The following DENND1A variants were observed in gnomAD, a reference collection of about 807,000 sequenced individuals.
DENND1A encodes the protein DENN domain-containing protein 1A.
In DENND1A, 51 loss-of-function variants were observed where a neutral mutation model predicts 113.7. That is an observed-to-expected ratio of 0.45 (90% CI 0.36 to 0.57). The LOEUF is 0.57. Ranked by LOEUF, DENND1A falls within the 20% of genes least tolerant of loss-of-function variation. The pLI, the probability that DENND1A is intolerant of heterozygous loss-of-function variation, is 0.00. For missense variants in DENND1A, 1,258 were observed against 1,395.9 expected, an observed-to-expected ratio of 0.90 and a Z score of 1.57; for synonymous variants, 565 against 570.8, an observed-to-expected ratio of 0.99 and a Z score of 0.14.
intron 2 of DENND1A, among the ~76,000 whole-genome samples, chr9:123,823,077 T>G (rs1838745099): frequency 6.6e-6 from 1 of 152,236 alleles, no homozygotes; most frequent in South Asian, 2.1e-4. Flanking sequence ...GTACTTACTA[T>G]GTCTCAGGTA....
At chr9:123,644,378 C>CGAAAA (rs2062187617) in intron 9 of DENND1A, among the ~76,000 whole-genome samples, 1 of 84,062 alleles carries the variant, frequency 1.2e-5, no homozygotes, top group Non-Finnish European at 2.1e-5. Flanking sequence ...TTACAAGCTA[C>CGAAAA]AAAAAAAAAA....
intron 13 of DENND1A, among the ~76,000 whole-genome samples, chr9:123,550,523 C>T (rs549970571): frequency 6.6e-6 from 1 of 152,312 alleles, no homozygotes; most frequent in South Asian, 2.1e-4. Flanking sequence ...GTGGGCCAGA[C>T]ATGGGGAGAG....
At chr9:123,870,795 C>T (rs1180344732) in intron 2 of DENND1A, among the ~76,000 whole-genome samples, 1 of 151,982 alleles carries the variant, frequency 6.6e-6, no homozygotes, top group African/African-American at 2.4e-5. Context: ...GCAAGTAAAC[C>T]TCTTTGAGTC....
intron 5 of DENND1A, among the ~76,000 whole-genome samples, chr9:123,694,299 T>C (rs2065371503): frequency 6.6e-6 from 1 of 152,156 alleles, no homozygotes; most frequent in Non-Finnish European, 1.5e-5. Context: ...CGTAATACCA[T>C]GAGTGGTGCC....
intron 3 of DENND1A, among the ~76,000 whole-genome samples, chr9:123,779,003 T>C (rs1434132873): frequency 6.6e-6 from 1 of 152,200 alleles, no homozygotes; most frequent in Non-Finnish European, 1.5e-5. Context: ...GTTTCCACCA[T>C]CCAAAACTCA....
At chr9:123,440,270 T>G (rs2046826107) in intron 19 of DENND1A, 90 bp downstream of exon 19, 1 of 1,416,158 alleles carries the variant, frequency 7.1e-7, no homozygotes, top group Non-Finnish European at 9.3e-7. Flanking sequence ...AGAACTGAAA[T>G]GAAAAACCGT....
At chr9:123,429,350 G>A (rs979327515) in intron 19 of DENND1A, among the ~76,000 whole-genome samples, 47 of 152,212 alleles carry the variant, frequency 3.1e-4, no homozygotes, top group African/African-American at 1.1e-3. Context: ...GAGGCTGGGA[G>A]TTCAAGACCA....
At chr9:123,641,407 G>A (rs1048414201) in intron 9 of DENND1A, among the ~76,000 whole-genome samples, 7 of 146,536 alleles carry the variant, frequency 4.8e-5, no homozygotes, top group Admixed American at 2.7e-4. Flanking sequence ...TTCTGCCATG[G>A]CAGAAATCGG....
intron 1 of DENND1A, among the ~76,000 whole-genome samples, chr9:123,886,147 T>C (rs1849046546): frequency 6.6e-6 from 1 of 152,122 alleles, no homozygotes; most frequent in Non-Finnish European, 1.5e-5. Flanking sequence ...GCTTTGACAG[T>C]ATTTAGGCAG....
intron 8 of DENND1A, among the ~76,000 whole-genome samples, chr9:123,655,849 C>A (rs965243156): frequency 1.3e-5 from 2 of 152,234 alleles, no homozygotes; most frequent in Non-Finnish European, 2.9e-5. Flanking sequence ...ACTAAATCCT[C>A]ATCCTCTCAT....
At chr9:123,466,230 C>T (rs1447135057) in intron 13 of DENND1A, among the ~76,000 whole-genome samples, 1 of 151,952 alleles carries the variant, frequency 6.6e-6, no homozygotes, top group Non-Finnish European at 1.5e-5. Flanking sequence ...ATCTCCTAAC[C>T]TCATGATCCT....
intron 2 of DENND1A, among the ~76,000 whole-genome samples, chr9:123,855,929 C>G (rs759901612): frequency 1.3e-5 from 2 of 151,934 alleles, no homozygotes; most frequent in Non-Finnish European, 2.9e-5. Flanking sequence ...CCCAGCTACT[C>G]GGGAGGCTGA....
At chr9:123,729,182 T>A (rs993012251) in intron 5 of DENND1A, among the ~76,000 whole-genome samples, 1 of 152,168 alleles carries the variant, frequency 6.6e-6, no homozygotes, top group Non-Finnish European at 1.5e-5. Context: ...ACTGGAAGCA[T>A]TCCCTTTGAA....
chr9:123,516,119 C>T (rs1051784313), intron 13 of DENND1A, among the ~76,000 whole-genome samples: 1 of 19,530 alleles, frequency 5.1e-5, no homozygotes, highest in African/African-American at 1.2e-4. Flanking sequence ...CACACACACA[C>T]ACACACACAC....
At chr9:123,592,543 A>G (rs992648097) in intron 11 of DENND1A, among the ~76,000 whole-genome samples, 18 of 152,220 alleles carry the variant, frequency 1.2e-4, no homozygotes, top group East Asian at 1.9e-4. Context: ...AGAATAGGGT[A>G]CAAGAGGAGT....
intron 3 of DENND1A, among the ~76,000 whole-genome samples, chr9:123,786,997 T>A (rs1203258927): frequency 6.6e-6 from 1 of 152,106 alleles, no homozygotes; most frequent in African/African-American, 2.4e-5. Context: ...CCATTCTTTG[T>A]GAGCTTGGTG....
chr9:123,559,372 G>C (rs1459024549), intron 12 of DENND1A, among the ~76,000 whole-genome samples: 1 of 152,094 alleles, frequency 6.6e-6, no homozygotes, highest in Non-Finnish European at 1.5e-5. Flanking sequence ...ACCAGCTACT[G>C]GTATGACATC....
chr9:123,479,238 C>T (rs1272001139), intron 13 of DENND1A, among the ~76,000 whole-genome samples: 1 of 152,128 alleles, frequency 6.6e-6, no homozygotes, highest in Non-Finnish European at 1.5e-5. Flanking sequence ...TGGGTTCTTT[C>T]CTCTGTCACC....
At chr9:123,757,104 G>A (rs1302155916) in intron 5 of DENND1A, among the ~76,000 whole-genome samples, 1 of 152,158 alleles carries the variant, frequency 6.6e-6, no homozygotes, top group Non-Finnish European at 1.5e-5. Flanking sequence ...CTCAGAACAT[G>A]CCTTACCCCT....
Sources: gnomAD v4.1 joint callset for allele counts (sites outside exome capture counted in the v4.1 genomes callset) on GRCh38, gnomAD v4.1.1 for gene constraint, MANE v1.5 for transcripts, NCBI Gene and HGNC (gene_info 2026-07-23, HGNC 2026-07-21) for gene names.